Variants in TYK2 observed in about 807,000 individuals in gnomAD.
The protein encoded by TYK2 is non-receptor tyrosine-protein kinase TYK2.
A neutral mutation model predicts 130.9 loss-of-function variants in TYK2; 65 were observed. That is an observed-to-expected ratio of 0.50 (90% CI 0.41 to 0.61). The LOEUF is 0.61. TYK2 is among the 20% of genes least tolerant of loss of function. The pLI is 0.00. For missense variants in TYK2, 1,378 were observed against 1,610.7 expected (o/e 0.86, Z 2.47); for synonymous variants, 647 against 658.9 (o/e 0.98, Z 0.28).
Position 10,364,594 on chromosome 19 carries a change from GCCC to G in TYK2, c.1367+17_1367+19del, listed in dbSNP as rs748961413. On this transcript the variant is annotated intron_variant, in intron 9 of 24. Transcript: ENST00000525621. The surrounding 1 kb of genome is among the most constrained non-coding windows in gnomAD (Gnocchi z 4.9). The stretch of plus-strand genomic sequence containing the variant: ...GGCACCCTTGGCGGTGGCCCCCAGC[GCCC>G]CCCACCCAGCACTCACAGCAGGGGT... The G allele has an allele frequency of 6.2e-7, 1 of 1,613,174 alleles. No individual in the cohort carries two copies. Among genetic ancestry groups the G allele is most frequent in the South Asian group, 1.1e-5 (1 of 91,064 alleles).
Position 10,361,785 on chromosome 19 carries a change from G to A in TYK2, c.1944C>T (p.His648=), listed in dbSNP as rs757793978. The change falls in exon 13 of 25, where the codon CAC becomes CAT. Residue 648 remains histidine, a synonymous_variant. Transcript: ENST00000525621. The surrounding 1 kb of genome is among the most constrained non-coding windows in gnomAD (Gnocchi z 4.0). The stretch of plus-strand genomic sequence containing the variant: ...GCCCACTCACCAGGGCGATGTCATG[G>A]TGACTAGGGTCCAGCACTTTGAGCA... ...RVVLKVLDPS[H]HDIALAFYET... 6.2e-7 allele frequency: 1 copy of A among 1,613,524 alleles called. No individual in the cohort carries two copies. Among genetic ancestry groups the A allele is most frequent in the Non-Finnish European group, 8.5e-7 (1 of 1,179,918 alleles).
Position 10,366,391 on chromosome 19 carries a change from A to G in TYK2, c.629+26T>C, listed in dbSNP as rs34725611. ...TCAGGACATTTCCCCCTGCCTACAC[A>G]GCGTCCCCACCCCATTCCCAGACAC... On this transcript the variant is annotated intron_variant, in intron 6 of 24. Coordinates refer to ENST00000525621, the MANE Select transcript of TYK2 (RefSeq NM_003331.5). The G allele has an allele frequency of 0.28, 446,035 of 1,604,892 alleles. 65,031 individuals are homozygous for G. Among genetic ancestry groups the G allele is most frequent in the East Asian group, 0.45 (20,205 of 44,612 alleles).
intron 23 of TYK2, 29 bp downstream of exon 23, chr19:10,352,405 C>A: frequency 1.4e-6 from 2 of 1,464,468 alleles, no homozygotes; most frequent in South Asian, 2.3e-5. Context: ...CTAGCAAACT[C>A]CCGGTGGGGC....
chr19:10,358,888 C>A (rs1288245442), intron 15 of TYK2, among the ~76,000 whole-genome samples: 1 of 151,898 alleles, frequency 6.6e-6, no homozygotes, highest in African/African-American at 2.4e-5. Flanking sequence ...CATGGTGAAA[C>A]CCCATCTCTA....
At position 10,353,292 on chromosome 19, in the gene TYK2, G is replaced by A. The variant is rs2145147043; in HGVS notation, c.3028-194C>T. 5.1e-6 allele frequency: 3 copies of A among 583,076 alleles called. No individual in the cohort carries two copies. The East Asian group carries it at 9.1e-5, about 18-fold the overall frequency. The allele number at this position is 583,076 out of a possible 1,614,324, so 36.1% of individuals were successfully genotyped here. ...CCAGAAAGCAGGGACGGGGCTAGAC[G>A]AGCAAAGCTGGGCAGGAGGGCGAGT... On this transcript the variant is annotated intron_variant, in intron 21 of 24. Coordinates refer to ENST00000525621, the MANE Select transcript of TYK2 (RefSeq NM_003331.5). The surrounding 1 kb of genome is among the most constrained non-coding windows in gnomAD (Gnocchi z 6.9).
rs1358412736 is a variant in TYK2 at position 10,374,964 on chromosome 19, G to A, written c.193+3250C>T. 2.0e-5 allele frequency among the ~76,000 whole-genome samples: 3 copies of A among 152,096 alleles called. No homozygotes were observed. In the East Asian group the frequency reaches 5.8e-4, roughly 29 times the overall value. On this transcript the variant is annotated intron_variant, in intron 3 of 24. Coordinates refer to ENST00000525621, the MANE Select transcript of TYK2 (RefSeq NM_003331.5). ...TTTGGGAAGCCAAGGCGGGTGGATG[G>A]CTTGAGCCCAGGAGTTTGAGACCAG...
At chr19:10,352,803 C>CGG in intron 22 of TYK2, 123 bp downstream of exon 22, 1 of 1,315,576 alleles carries the variant, frequency 7.6e-7, no homozygotes, top group Non-Finnish European at 1.0e-6. Flanking sequence ...CACCCCCGCA[C>CGG]CGCTAGGCCC....
intron 18 of TYK2, among the ~76,000 whole-genome samples, chr19:10,355,359 G>T (rs2041039467): frequency 6.6e-6 from 1 of 152,184 alleles, no homozygotes; most frequent in African/African-American, 2.4e-5. Context: ...GGCATATTAG[G>T]CCGGGCGTGG....
chr19:10,372,460 A>ATATC (rs2041947723), intron 3 of TYK2, among the ~76,000 whole-genome samples: 1 of 48,448 alleles, frequency 2.1e-5, no homozygotes, highest in African/African-American at 1.5e-4. Flanking sequence ...ACACACAGCT[A>ATATC]TATATATATA....
In TYK2 at chr19:10,354,581, C is replaced by A. The variant is rs184567726; in HGVS notation, c.2646G>T (p.Pro882=). The change falls in exon 19 of 25, where the codon CCG becomes CCT. Residue 882 remains proline, a synonymous_variant. Coordinates refer to ENST00000525621, the MANE Select transcript of TYK2 (RefSeq NM_003331.5). The part of the protein sequence containing the change: ...HNLADVLTVN[P]DSPASDPTVF... ...CCGTAGGGTCCGACGCCGGTGAGTC[C>A]GGGTTCACAGTCAAGACGTCAGCAA... The A allele has an allele frequency of 2.5e-6, 4 of 1,614,014 alleles. No homozygotes were observed. Among genetic ancestry groups the A allele is most frequent in the East Asian group, 2.2e-5 (1 of 44,884 alleles).
In TYK2 at chr19:10,357,995, G is replaced by A. The variant is rs2041188932; in HGVS notation, c.2311+8C>T. The A allele has an allele frequency of 6.2e-7, 1 of 1,613,456 alleles. No homozygotes were observed. Among genetic ancestry groups the A allele is most frequent in the African/African-American group, 1.3e-5 (1 of 75,070 alleles). ...CCCCACTGTGCCCAGGTCCCCTCAG[G>A]TACTCACCCTCCCTGGAGAGGGCGC... On this transcript the variant is annotated splice_region_variant and intron_variant, in intron 16 of 24. Transcript: ENST00000525621.
intron 3 of TYK2, among the ~76,000 whole-genome samples, chr19:10,372,300 T>G (rs1354134007): frequency 1.4e-5 from 2 of 146,666 alleles, no homozygotes; most frequent in Non-Finnish European, 3.0e-5. Flanking sequence ...GCCTGGGTTT[T>G]TTTTTTTTTT....
chr19:10,379,513 A>C (rs560862833), intron 2 of TYK2, 102 bp downstream of exon 2: 35 of 147,446 alleles, frequency 2.4e-4, no homozygotes, highest in African/African-American at 8.4e-4. Flanking sequence ...TACAATAAAT[A>C]AATAAATAAA....
In TYK2 at chr19:10,361,445, T is replaced by A; in HGVS notation, c.2047+66A>T. On this transcript the variant is annotated intron_variant, in intron 14 of 24. Coordinates refer to ENST00000525621, the MANE Select transcript of TYK2 (RefSeq NM_003331.5). The surrounding 1 kb of genome is among the most constrained non-coding windows in gnomAD (Gnocchi z 4.0). The stretch of plus-strand genomic sequence containing the variant: ...TGTAGGTCGAGGGTTGGGGTACAGA[T>A]CAGGGAGTGGGTATAAGTCAGGGGT... The A allele has an allele frequency of 7.5e-7, 1 of 1,334,816 alleles. No homozygotes were observed. The highest frequency in any genetic ancestry group is 9.9e-7 in the Non-Finnish European group (1 of 1,009,028). 82.7% of individuals were successfully genotyped at this position (1,334,816 alleles called of 1,614,324 possible).
At chr19:10,354,659 AGGCCCACACTT>A (rs1318239639) in intron 18 of TYK2, 50 bp from the exon 19 acceptor site, 2 of 1,501,724 alleles carry the variant, frequency 1.3e-6, no homozygotes, top group South Asian at 2.3e-5. Flanking sequence ...TTTCCCCAGC[AGGCCCACACTT>A]GGGAGTCACA....
chr19:10,366,719 G>T, intron 5 of TYK2, 139 bp from the exon 6 acceptor site: 6 of 636,834 alleles, frequency 9.4e-6, no homozygotes, highest in Non-Finnish European at 1.1e-5. Context: ...TAACACTAAT[G>T]ATAGCTGATG....
chr19:10,378,403 G>A lies in TYK2; in HGVS notation c.4C>T (p.Pro2Ser), dbSNP rs1004722306. 79 of 1,609,494 alleles carry A rather than the reference G, an allele frequency of 4.9e-5. No individual in the cohort carries two copies. The highest frequency in any genetic ancestry group is 6.6e-5 in the Non-Finnish European group (78 of 1,179,842). The change falls in exon 3 of 25, where the codon CCT (proline) becomes TCT (serine). Residue 2 changes from proline (P) to serine (S), a missense_variant. Physicochemically the swap from Pro to Ser is moderately conservative, Grantham distance 74 (BLOSUM62 -1). Transcript: ENST00000525621. M[P>S]LRHWGMARGS... ...CTGGCCATCCCCCAGTGGCGCAGAG[G>A]CATGCTCCCGGCAGGTGGCTCAGCT...
intron 3 of TYK2, among the ~76,000 whole-genome samples, chr19:10,376,464 T>C (rs571824032): frequency 2.9e-3 from 383 of 132,146 alleles, no homozygotes; most frequent in Middle Eastern, 0.013. Context: ...CCTGCCACCA[T>C]GCCTGGCTAC....
intron 3 of TYK2, among the ~76,000 whole-genome samples, chr19:10,372,241 C>A (rs576040493): frequency 4.7e-5 from 7 of 150,300 alleles, no homozygotes; most frequent in Admixed American, 4.0e-4. Context: ...GATTCGCCCA[C>A]CTCAGCCTCC....
Sources: allele counts gnomAD v4.1 joint callset (sites outside exome capture counted in the v4.1 genomes callset), GRCh38; gene constraint gnomAD v4.1.1; non-coding constraint Gnocchi (gnomAD v3.1); transcripts MANE v1.5; gene names NCBI Gene and HGNC (gene_info 2026-07-23, HGNC 2026-07-21).